DHX57: variants seen among roughly 807,000 people sequenced by gnomAD.
DHX57 encodes DExH-box helicase 57, also known as putative ATP-dependent RNA helicase DHX57.
DHX57 carries 105 observed loss-of-function variants against 156.2 expected under a neutral mutation model. The ratio of observed to expected loss-of-function variants is 0.67; its 90% CI spans 0.57 to 0.79. DHX57 has a LOEUF of 0.79. Ranked by LOEUF, DHX57 falls within the 30% of genes least tolerant of loss-of-function variation. The pLI is 0.00. For missense variants in DHX57, 1,847 were observed against 1,661.9 expected (o/e 1.11, Z -1.94); for synonymous variants, 704 against 595.6 (o/e 1.18, Z -2.65).
intron 9 of DHX57, among the ~76,000 whole-genome samples, chr2:38,852,126 CTAA>C (rs1244713678): frequency 1.3e-5 from 2 of 150,176 alleles, no homozygotes; most frequent in African/African-American, 2.4e-5. Flanking sequence ...TTCTTATTTA[CTAA>C]TAATAGTAAT....
chr2:38,826,085 TA>T, intron 15 of DHX57, 38 bp from the exon 16 acceptor site: 2 of 1,592,206 alleles, frequency 1.3e-6, no homozygotes, highest in Non-Finnish European at 1.7e-6. Context: ...AGTCATTTTA[TA>T]AAAACATGGC....
chr2:38,854,353 T>C, intron 8 of DHX57, 175 bp from the exon 9 acceptor site: 1 of 503,760 alleles, frequency 2.0e-6, no homozygotes, highest in Non-Finnish European at 3.4e-6. Context: ...TAAAAGCCTT[T>C]CTACTTCATA....
chr2:38,854,063 G>C lies in DHX57; in HGVS notation c.2021C>G (p.Thr674Arg), dbSNP rs562694324. 13 of 1,610,796 alleles carry C rather than the reference G, an allele frequency of 8.1e-6. No homozygotes were observed. In the East Asian group the frequency reaches 2.2e-4, roughly 28 times the overall value. Residue 674 changes from threonine to arginine, a missense_variant, in exon 9 of 24, where the codon ACA (threonine) becomes AGA (arginine). Thr to Arg is a moderately conservative substitution (Grantham distance 71). Transcript: ENST00000457308. ...HIIVDEVHER[T>R]EESDFLLLVL... ...AAAGTCTTTGTTTTACCTTTCTTCT[G>C]TCCTCTCATGAACTTCATCAACAAT...
intron 2 of DHX57, chr2:38,867,303 C>T (rs1203631849): frequency 1.3e-5 from 2 of 152,184 alleles, no homozygotes; most frequent in African/African-American, 4.8e-5. Flanking sequence ...ACATCTCTGT[C>T]ACTAAGTGAT....
intron 16 of DHX57, 54 bp from the exon 17 acceptor site, chr2:38,823,323 CAG>C (rs1191585418): frequency 1.5e-5 from 22 of 1,512,496 alleles, no homozygotes; most frequent in Middle Eastern, 2.0e-4. Context: ...TGGGATGACA[CAG>C]AGGAATAATT....
In DHX57 at chr2:38,868,258, T is replaced by G. The variant is rs772002792; in HGVS notation, c.148A>C (p.Asn50His). 2.5e-6 allele frequency: 4 copies of G among 1,614,076 alleles called. No homozygotes were observed. The highest frequency in any genetic ancestry group is 3.4e-6 in the Non-Finnish European group (4 of 1,180,022). The change falls in exon 2 of 24, where the codon AAC (asparagine) becomes CAC (histidine). Residue 50 changes from asparagine to histidine, a missense_variant. Transcript: ENST00000457308. Reference protein sequence around the residue: ...GGGGGGGGGGNRKASSRIWDD... With the variant: ...GGGGGGGGGGHRKASSRIWDD... ...CATATTCTACTGGAGGCCTTTCTGT[T>G]GCCGCCACCTCCACCACCACCACCA...
chr2:38,832,318 T>C (rs1179303129), intron 13 of DHX57, among the ~76,000 whole-genome samples: 1 of 151,758 alleles, frequency 6.6e-6, no homozygotes. Context: ...CACATGCCTG[T>C]AGTCCCAGCT....
chr2:38,864,181 A>G (rs767422380), intron 2 of DHX57, among the ~76,000 whole-genome samples: 1 of 151,128 alleles, frequency 6.6e-6, no homozygotes. Context: ...ACTGAGTTTC[A>G]TTCTTCCTTG....
At position 38,798,438 on chromosome 2, in the gene DHX57, G is replaced by T; in HGVS notation, c.4022C>A (p.Ala1341Asp). The T allele has an allele frequency of 6.2e-7, 1 of 1,609,456 alleles. No individual in the cohort carries two copies. Among genetic ancestry groups the T allele is most frequent in the South Asian group, 1.1e-5 (1 of 90,220 alleles). Residue 1341 changes from alanine to aspartate, a missense_variant, in exon 24 of 24, where the codon GCT (alanine) becomes GAT (aspartate). Physicochemically the swap from Ala to Asp is moderately radical, Grantham distance 126 (BLOSUM62 -2). Transcript: ENST00000457308. The stretch of plus-strand genomic sequence containing the variant: ...GCAACGAAGCTCCTTTACCAGTTCA[G>T]CCACCTAAAATGAAAGCTACAATAT... ...IRFVAASHQV[A>D]ELVKELRCEL... is the part of the protein sequence containing the mutation.
intron 17 of DHX57, 124 bp from the exon 18 acceptor site, chr2:38,819,268 A>C: frequency 1.2e-6 from 1 of 824,688 alleles, no homozygotes; most frequent in Non-Finnish European, 1.9e-6. Flanking sequence ...TTTATCTCCC[A>C]GGCTTAAGCA....
rs1669747067 is a variant in DHX57, at chr2:38,802,752, T to G, written c.3980A>C (p.Asp1327Ala). ...AGCTACAAAACGGATCCAACCATCATCCAGGGAGACAACGAACTCTCCTCT... is the reference window on the plus strand; with the variant it reads ...AGCTACAAAACGGATCCAACCATCAGCCAGGGAGACAACGAACTCTCCTCT... ...LQRGEFVVSL[D>A]DGWIRFVAAS... Residue 1327 changes from aspartate (D) to alanine (A), a missense_variant, in exon 23 of 24, where the codon GAT becomes GCT. Coordinates refer to ENST00000457308, the MANE Select transcript of DHX57 (RefSeq NM_198963.3). 1 of 1,614,156 alleles carries G rather than the reference T, an allele frequency of 6.2e-7. No individual in the cohort carries two copies. Among genetic ancestry groups the G allele is most frequent in the Non-Finnish European group, 8.5e-7 (1 of 1,180,026 alleles).
rs1223672233 is a variant in DHX57 at position 38,867,043 on chromosome 2, C to A, written c.224+1139G>T. 1.3e-5 allele frequency: 2 copies of A among 152,214 alleles called. 1 individual carries two copies. The highest frequency in any genetic ancestry group is 2.9e-5 in the Non-Finnish European group (2 of 68,042). 9.4% of individuals were successfully genotyped at this position (152,214 alleles called of 1,614,324 possible). On this transcript the variant is annotated intron_variant, in intron 2 of 23. Transcript: ENST00000457308. ...GCCCTACATAGGTATCATTTTTAAT[C>A]TCTTATACTCTATTTTTACTATACC...
intron 14 of DHX57, among the ~76,000 whole-genome samples, chr2:38,827,581 C>G (rs1671167293): frequency 7.0e-6 from 1 of 142,736 alleles, no homozygotes; most frequent in Admixed American, 7.2e-5. Context: ...CATACATACA[C>G]ACACACAGAG....
chr2:38,809,984 C>T (rs991552172), intron 21 of DHX57, among the ~76,000 whole-genome samples: 1 of 151,964 alleles, frequency 6.6e-6, no homozygotes, highest in East Asian at 1.9e-4. Context: ...ACCTCTGCCT[C>T]CCAGGCTCAA....
Position 38,854,099 on chromosome 2 carries a change from A to T in DHX57, c.1985T>A (p.Val662Asp), listed in dbSNP as rs1285444805. The T allele has an allele frequency of 6.2e-7, 1 of 1,613,530 alleles. No homozygotes were observed. The highest frequency in any genetic ancestry group is 1.7e-5 in the Admixed American group (1 of 59,970). The part of the protein sequence containing the change: ...RLEGDTALQG[V>D]SHIIVDEVHE... ...AACTTCATCAACAATGATATGGGAA[A>T]CTCCTTGTAGAGCTGTATCTCCTTC... is the stretch of plus-strand genomic sequence containing the variant. The change falls in exon 9 of 24, where the codon GTT (valine) becomes GAT (aspartate). Residue 662 changes from valine to aspartate, a missense_variant. Coordinates refer to ENST00000457308, the MANE Select transcript of DHX57 (RefSeq NM_198963.3).
At chr2:38,875,019 C>T (rs1402952026) in intron 1 of DHX57, among the ~76,000 whole-genome samples, 9 of 152,176 alleles carry the variant, frequency 5.9e-5, no homozygotes, top group African/African-American at 9.7e-5. Context: ...CAAGAGGATA[C>T]TTACGCTGAA....
At chr2:38,863,269 G>A in intron 3 of DHX57, 92 bp downstream of exon 3, 2 of 1,335,466 alleles carry the variant, frequency 1.5e-6, no homozygotes, top group South Asian at 2.8e-5. Flanking sequence ...AATAGAATCA[G>A]TACTGACACA....
intron 4 of DHX57, 21 bp from the exon 5 acceptor site, chr2:38,861,858 C>A (rs774033180): frequency 3.9e-6 from 6 of 1,551,886 alleles, no homozygotes; most frequent in South Asian, 1.2e-5. Context: ...CAAAACATGA[C>A]AAAAATGACA....
rs966828827 is a variant in DHX57 at position 38,861,245 on chromosome 2, T to A, written c.1165A>T (p.Ile389Phe). 5.6e-6 allele frequency: 9 copies of A among 1,614,022 alleles called. No individual in the cohort carries two copies. The Admixed American group carries it at 1.0e-4, about 18-fold the overall frequency. ...ENLPLACRLH[I>F]SEFLYDKALT... ...GCCTTGTCATAAAGAAACTCAGAAA[T>A]ATGTAAACGACAAGCCAGAGGTAGG... Residue 389 changes from isoleucine to phenylalanine, a missense_variant, in exon 5 of 24, where the codon ATT becomes TTT. Transcript: ENST00000457308.
Sources: allele counts gnomAD v4.1 joint callset (sites outside exome capture counted in the v4.1 genomes callset), GRCh38; gene constraint gnomAD v4.1.1; transcripts MANE v1.5; gene names NCBI Gene and HGNC (gene_info 2026-07-23, HGNC 2026-07-21).